Variants in SRCAP observed in about 807,000 individuals in gnomAD.
SRCAP encodes the protein Snf2 related CREBBP activator protein, also known as chromatin remodeling protein SRCAP.
In SRCAP, 46 loss-of-function variants were observed where a neutral mutation model predicts 263.1. That is an observed-to-expected ratio of 0.17 (90% confidence interval 0.14 to 0.22). The LOEUF is 0.22. SRCAP is among the 10% of genes least tolerant of loss of function. The pLI is 1.00. For missense variants in SRCAP, 3,695 were observed against 4,181.9 expected (o/e 0.88, Z 3.21); for synonymous variants, 1,813 against 1,662.1 (o/e 1.09, Z -2.21).
chr16:30,704,552 G>A (rs2052805060), intron 4 of SRCAP, among the ~76,000 whole-genome samples: 1 of 152,042 alleles, frequency 6.6e-6, no homozygotes, highest in African/African-American at 2.4e-5. Flanking sequence ...AGTTATAGGA[G>A]CAAGGCCAGG....
At position 30,721,237 on chromosome 16, in the gene SRCAP, C is replaced by T. The variant is rs149248373; in HGVS notation, c.3302C>T (p.Thr1101Met). 20 of 1,613,778 alleles carry T rather than the reference C, an allele frequency of 1.2e-5. No homozygotes were observed. The African/African-American group carries it at 1.3e-4, about 11-fold the overall frequency. Residue 1101 changes from threonine (T) to methionine (M), a missense_variant, in exon 21 of 34, where the codon ACG (threonine) becomes ATG (methionine). Physicochemically the swap from Thr to Met is moderately conservative, Grantham distance 81. This residue lies in a region of SRCAP where 1,347 missense variants were observed against 1,304.4 expected (regional missense o/e 1.03). Coordinates refer to ENST00000262518, the MANE Select transcript of SRCAP (RefSeq NM_006662.3). ...CTGAGTGGGACCTCACGGCCTCCCA[C>T]GCCAACCTTGTCCCTAAAGCCAACA... Reference protein sequence around the residue: ...GVLSGTSRPPTPTLSLKPTPP... With the variant: ...GVLSGTSRPPMPTLSLKPTPP...
At chr16:30,706,508 AT>A (rs895593029) in intron 4 of SRCAP, among the ~76,000 whole-genome samples, 37 of 152,306 alleles carry the variant, frequency 2.4e-4, no homozygotes, top group African/African-American at 8.2e-4. Context: ...TGTCAAAAAA[AT>A]TTTAAATGCT....
chr16:30,712,207 T>TC, intron 12 of SRCAP, 50 bp downstream of exon 12: 1 of 1,600,544 alleles, frequency 6.2e-7, no homozygotes, highest in Non-Finnish European at 8.5e-7. Context: ...CTTTCTCATG[T>TC]CCCCACAACA....
At position 30,723,807 on chromosome 16, in the gene SRCAP, C is replaced by T. The variant is rs2053035189; in HGVS notation, c.4383C>T (p.Ala1461=). The T allele has an allele frequency of 1.2e-6, 2 of 1,614,020 alleles. No individual in the cohort carries two copies. ...ASAPLTIPIS[A]PLTVSASGPA... is the part of the protein sequence containing the mutation. The stretch of plus-strand genomic sequence containing the variant: ...CTCCACTCACCATCCCCATCTCAGC[C>T]CCCTTGACTGTTTCTGCTTCGGGCC... Residue 1461 remains alanine (A), a synonymous_variant, in exon 25 of 34, where the codon GCC becomes GCT. Transcript: ENST00000262518.
intron 9 of SRCAP, 30 bp from the exon 10 acceptor site, chr16:30,710,969 C>A (rs761704153): frequency 6.2e-7 from 1 of 1,606,032 alleles, no homozygotes; most frequent in South Asian, 1.1e-5. Context: ...GCCTCTATCC[C>A]TATTAATCTT....
In SRCAP at chr16:30,713,511, CTT is replaced by C. The variant is rs764581001; in HGVS notation, c.2301-6_2301-5del. ...ATACTCTCTCTGATTCTCTCTGTCT[CTT>C]TGCAGCCAGAGACGCCTGCTCCTGA... On this transcript the variant is annotated splice_region_variant and splice_polypyrimidine_tract_variant and intron_variant, in intron 15 of 33. Coordinates refer to ENST00000262518, the MANE Select transcript of SRCAP (RefSeq NM_006662.3). 1.9e-6 allele frequency: 3 copies of C among 1,613,842 alleles called. No individual in the cohort carries two copies. The highest frequency in any genetic ancestry group is 1.7e-5 in the Admixed American group (1 of 60,002).
intron 25 of SRCAP, chr16:30,725,283 A>G: frequency 2.5e-6 from 3 of 1,178,376 alleles, no homozygotes; most frequent in Non-Finnish European, 3.4e-6. Flanking sequence ...AGCCTCCTGA[A>G]GTGTTAGGAT....
At position 30,739,616 on chromosome 16, in the gene SRCAP, C is replaced by A; in HGVS notation, c.9576C>A (p.Gly3192=). Reference sequence around the variant, plus strand: ...ATGGGACCCCACGCCGACGTCCTGGCCCCCGCCGGCTTGTTGGGACCACCA... The same window carrying A: ...ATGGGACCCCACGCCGACGTCCTGGACCCCGCCGGCTTGTTGGGACCACCA... ...EGDGTPRRRP[G]PRRLVGTTNQ... The change falls in exon 34 of 34, where the codon GGC becomes GGA. Residue 3192 remains glycine (G), a synonymous_variant. Coordinates refer to ENST00000262518, the MANE Select transcript of SRCAP (RefSeq NM_006662.3). 1 of 1,590,916 alleles carries A rather than the reference C, an allele frequency of 6.3e-7. No homozygotes were observed. The highest frequency in any genetic ancestry group is 8.5e-7 in the Non-Finnish European group (1 of 1,169,626).
Position 30,721,446 on chromosome 16 carries a change from C to A in SRCAP, c.3511C>A (p.Leu1171Ile). 3 of 1,612,142 alleles carry A rather than the reference C, an allele frequency of 1.9e-6. No homozygotes were observed. The highest frequency in any genetic ancestry group is 2.2e-5 in the South Asian group (2 of 91,086). ...GACTCCTGCACCACAGCGCCTCATT[C>A]TATCTCCCGATATGCAGGCTCGCCT... ...APTPAPQRLI[L>I]SPDMQARLPS... The change falls in exon 21 of 34, where the codon CTA (leucine) becomes ATA (isoleucine). Residue 1171 changes from leucine to isoleucine, a missense_variant. By Grantham distance (5) the Leu-to-Ile change is conservative (BLOSUM62 2). Coordinates refer to ENST00000262518, the MANE Select transcript of SRCAP (RefSeq NM_006662.3).
At chr16:30,702,762 C>T (rs2052782663) in intron 3 of SRCAP, among the ~76,000 whole-genome samples, 1 of 150,808 alleles carries the variant, frequency 6.6e-6, no homozygotes, top group Non-Finnish European at 1.5e-5. Context: ...CACGCCACCA[C>T]ACGTGGCTAA....
chr16:30,737,770 T>C lies in SRCAP; in HGVS notation c.7730T>C (p.Leu2577Pro), dbSNP rs762289095. The C allele has an allele frequency of 6.2e-7, 1 of 1,614,162 alleles. No homozygotes were observed. Among genetic ancestry groups the C allele is most frequent in the South Asian group, 1.1e-5 (1 of 91,086 alleles). Reference protein sequence around the residue: ...ASVASSETSSLSLVPPKDLLP... With the variant: ...ASVASSETSSPSLVPPKDLLP... ...GTGGCCAGTTCAGAAACCTCCTCAC[T>C]TTCTCTTGTGCCCCCTAAAGATCTG... Residue 2577 changes from leucine to proline, a missense_variant, in exon 34 of 34, where the codon CTT (leucine) becomes CCT (proline). By Grantham distance (98) the Leu-to-Pro change is moderately conservative (BLOSUM62 -3). This residue lies in a region of SRCAP where 1,207 missense variants were observed against 1,142.9 expected (regional missense o/e 1.06). Coordinates refer to ENST00000262518, the MANE Select transcript of SRCAP (RefSeq NM_006662.3).
chr16:30,714,507 C>CTTTTTTTTTTTTTTTTTTTTTTTTTT (rs749242748), intron 16 of SRCAP, among the ~76,000 whole-genome samples: 1 of 100,000 alleles, frequency 1.0e-5, no homozygotes, highest in Non-Finnish European at 1.8e-5. Context: ...CCGTGCCGGG[C>CTTTTTTTTTTTTTTTTTTTTTTTTTT]TTTTTTTTTT....
Position 30,721,206 on chromosome 16 carries a change from G to T in SRCAP, c.3271G>T (p.Gly1091Trp). 1 of 1,610,816 alleles carries T rather than the reference G, an allele frequency of 6.2e-7. No individual in the cohort carries two copies. Among genetic ancestry groups the T allele is most frequent in the Non-Finnish European group, 8.5e-7 (1 of 1,178,194 alleles). The change falls in exon 21 of 34, where the codon GGG (glycine) becomes TGG (tryptophan). Residue 1091 changes from glycine (G) to tryptophan (W), a missense_variant. By Grantham distance (184) the Gly-to-Trp change is radical. Around this residue, in one of 12 missense-constraint regions of SRCAP, gnomAD observed 1,347 missense variants for 1,304.4 expected, o/e 1.03. Coordinates refer to ENST00000262518, the MANE Select transcript of SRCAP (RefSeq NM_006662.3). ...SLPQVLPSPL[G>W]VLSGTSRPPT... ...GTCTGCAGTGTTGCCATCCCCCCTGGGGGTCCTGAGTGGGACCTCACGGCC... is the reference window on the plus strand; with the variant it reads ...GTCTGCAGTGTTGCCATCCCCCCTGTGGGTCCTGAGTGGGACCTCACGGCC...
rs569185146 is a variant in SRCAP at position 30,734,272 on chromosome 16, G to C, written c.6610-224G>C. 24 of 650,916 alleles carry C rather than the reference G, an allele frequency of 3.7e-5. No individual in the cohort carries two copies. In the East Asian group the frequency reaches 6.9e-4, roughly 19 times the overall value. The allele number at this position is 650,916 out of a possible 1,614,324, so 40.3% of individuals were successfully genotyped here. A position where few individuals can be genotyped will look rare whatever the true frequency, so the allele number is the denominator to read the frequency against. On this transcript the variant is annotated intron_variant, in intron 30 of 33. Transcript: ENST00000262518. ...GCAGGAGAATCACTTGAACCTAAGA[G>C]GCGGAGGTTGCAGTGAGTTGAGATG...
intron 31 of SRCAP, among the ~76,000 whole-genome samples, 177 bp from the exon 32 acceptor site, chr16:30,736,023 C>T (rs1266448449): frequency 6.6e-6 from 1 of 151,456 alleles, no homozygotes; most frequent in Non-Finnish European, 1.5e-5. Context: ...AAAATCCATT[C>T]CATCCTTTGT....
chr16:30,705,115 A>G (rs1009956997), intron 4 of SRCAP, among the ~76,000 whole-genome samples: 4 of 152,174 alleles, frequency 2.6e-5, no homozygotes, highest in Admixed American at 6.5e-5. Flanking sequence ...AGCCTGGCCA[A>G]CGTGGCAAAA....
At position 30,737,925 on chromosome 16, in the gene SRCAP, G is replaced by C; in HGVS notation, c.7885G>C (p.Glu2629Gln). The C allele has an allele frequency of 6.2e-7, 1 of 1,614,224 alleles. No individual in the cohort carries two copies. The highest frequency in any genetic ancestry group is 8.5e-7 in the Non-Finnish European group (1 of 1,180,052). The change falls in exon 34 of 34, where the codon GAG (glutamate) becomes CAG (glutamine). Residue 2629 changes from glutamate (E) to glutamine (Q), a missense_variant. This residue lies in a region of SRCAP where 1,207 missense variants were observed against 1,142.9 expected (regional missense o/e 1.06). Transcript: ENST00000262518. The part of the protein sequence containing the change: ...GQEQEAPDSA[E>Q]GTTLTVLPEG... ...AGAGCAGGAGGCACCAGATTCTGCT[G>C]AGGGGACCACCCTTACAGTGCTGCC...
In SRCAP at chr16:30,738,784, G is replaced by A. The variant is rs2053188285; in HGVS notation, c.8744G>A (p.Gly2915Glu). ...DPVLEPQLIP[G>E]PQPLGPQPVH... ...GTCCTGGAACCACAGCTTATTCCTG[G>A]GCCCCAGCCTCTTGGACCCCAGCCA... Residue 2915 changes from glycine to glutamate, a missense_variant, in exon 34 of 34, where the codon GGG becomes GAG. By Grantham distance (98) the Gly-to-Glu change is moderately conservative. This residue lies in a region of SRCAP where 1,207 missense variants were observed against 1,142.9 expected (regional missense o/e 1.06). Transcript: ENST00000262518. 2.5e-6 allele frequency: 4 copies of A among 1,613,666 alleles called. No individual in the cohort carries two copies. In the East Asian group the frequency reaches 8.9e-5, roughly 36 times the overall value.
chr16:30,733,703 T>G lies in SRCAP; in HGVS notation c.6399T>G (p.Val2133=). ...VGVNLTGADT[V]VFYDSDWNPT... ...TGAACCTGACAGGAGCAGACACTGT[T>G]GTTTTTTATGACAGCGACTGGAATC... The change falls in exon 29 of 34, where the codon GTT becomes GTG. Residue 2133 remains valine (V), a synonymous_variant. Coordinates refer to ENST00000262518, the MANE Select transcript of SRCAP (RefSeq NM_006662.3). The surrounding 1 kb of genome is among the most constrained non-coding windows in gnomAD (Gnocchi z 5.3). 6.2e-7 allele frequency: 1 copy of G among 1,614,158 alleles called. No homozygotes were observed. Among genetic ancestry groups the G allele is most frequent in the Non-Finnish European group, 8.5e-7 (1 of 1,180,026 alleles).
Sources: allele counts gnomAD v4.1 joint callset (sites outside exome capture counted in the v4.1 genomes callset), GRCh38; gene constraint gnomAD v4.1.1; regional missense constraint gnomAD v4.1.1; non-coding constraint Gnocchi (gnomAD v3.1); transcripts MANE v1.5; gene names NCBI Gene and HGNC (gene_info 2026-07-23, HGNC 2026-07-21).